The following HPSE2 variants were observed in gnomAD, a reference collection of about 807,000 sequenced individuals.
HPSE2 encodes heparanase 2 (inactive), also known as inactive heparanase-2.
Under a neutral mutation model 60.5 loss-of-function variants are expected in HPSE2, and 38 were observed. The ratio of observed to expected loss-of-function variants is 0.63; its 90% confidence interval spans 0.48 to 0.82. The LOEUF is 0.82. Among genes scored for constraint, HPSE2 ranks in the 40% least tolerant of loss-of-function variants. The pLI, the probability that HPSE2 is intolerant of heterozygous loss-of-function variation, is 0.00. For synonymous variants in HPSE2, 295 were observed against 293.2 expected, an observed-to-expected ratio of 1.01 and a Z score of -0.06; for missense variants, 713 against 740.4, an observed-to-expected ratio of 0.96 and a Z score of 0.43.
chr10:99,197,227 G>C (rs1848430540), intron 2 of HPSE2, among the ~76,000 whole-genome samples: 1 of 152,156 alleles, frequency 6.6e-6, no homozygotes, highest in Non-Finnish European at 1.5e-5. Flanking sequence ...GCTGGGAAGG[G>C]TCATGGGGGG....
At chr10:99,215,455 C>T (rs1849087951) in intron 2 of HPSE2, among the ~76,000 whole-genome samples, 1 of 152,130 alleles carries the variant, frequency 6.6e-6, no homozygotes, top group Non-Finnish European at 1.5e-5. Flanking sequence ...CCACCAGGGC[C>T]TGTCGGCGGG....
At position 99,041,519 on chromosome 10, in the gene HPSE2, G is replaced by A. The variant is rs1174373580; in HGVS notation, c.610+102719C>T. On this transcript the variant is annotated intron_variant, in intron 3 of 11. Transcript: ENST00000370552. Reference sequence around the variant, plus strand: ...AAACTAACACAGAGAGCTGCCTGGAGTCTGAACAGAACTACCCACTCAAAC... The same window carrying A: ...AAACTAACACAGAGAGCTGCCTGGAATCTGAACAGAACTACCCACTCAAAC... Among the ~76,000 whole-genome samples, 4 of 152,260 alleles carry A rather than the reference G, an allele frequency of 2.6e-5. No homozygotes were observed. The East Asian group carries it at 7.7e-4, about 29-fold the overall frequency.
rs1403861502 is a variant in HPSE2 at position 99,210,031 on chromosome 10, C to T, written c.448+22317G>A. On this transcript the variant is annotated intron_variant, in intron 2 of 11. Coordinates refer to ENST00000370552, the MANE Select transcript of HPSE2 (RefSeq NM_021828.5). ...AAAGATAAAATCAACAAATCTTTAGCTAGATTAAGAAAAAAGAGAAAAAAC... is the reference window on the plus strand; with the variant it reads ...AAAGATAAAATCAACAAATCTTTAGTTAGATTAAGAAAAAAGAGAAAAAAC... Among the ~76,000 whole-genome samples the T allele has an allele frequency of 3.3e-5, 5 of 151,810 alleles. No individual in the cohort carries two copies. The South Asian group carries it at 1.0e-3, about 32-fold the overall frequency.
intron 2 of HPSE2, among the ~76,000 whole-genome samples, chr10:99,194,313 C>A (rs1848320704): frequency 6.6e-6 from 1 of 151,158 alleles, no homozygotes; most frequent in Admixed American, 6.6e-5. Context: ...ATACCTACAT[C>A]AAAAAAAGTA....
At chr10:98,473,499 AAAAAAG>A in intron 11 of HPSE2, among the ~76,000 whole-genome samples, 2 of 134,236 alleles carry the variant, frequency 1.5e-5, no homozygotes, top group Non-Finnish European at 3.1e-5. Flanking sequence ...AAAAAAAAAA[AAAAAAG>A]AAGGCAGAAA....
chr10:98,647,327 G>A (rs1946797097), intron 6 of HPSE2, among the ~76,000 whole-genome samples: 3 of 152,292 alleles, frequency 2.0e-5, no homozygotes, highest in African/African-American at 4.8e-5. Flanking sequence ...AGGGGCAGCT[G>A]GTTTTGTTTA....
chr10:98,931,084 G>A lies in HPSE2; in HGVS notation c.611-187028C>T, dbSNP rs189192945. Among the ~76,000 whole-genome samples, 463 of 144,062 alleles carry A rather than the reference G, an allele frequency of 3.2e-3. 44 individuals carry two copies. The highest frequency in any genetic ancestry group is 5.4e-3 in the Non-Finnish European group (361 of 67,150). 94.5% of individuals were successfully genotyped at this position (144,062 alleles called of 152,430 possible). On this transcript the variant is annotated intron_variant, in intron 3 of 11. Transcript: ENST00000370552. ...ATGGTATTGCCTAGATTTTCTTCTA[G>A]GGTTTTTATGGTTTTCGGTTTTACA...
intron 3 of HPSE2, among the ~76,000 whole-genome samples, chr10:98,960,732 TTTA>T (rs772459468): frequency 0.11 from 5,532 of 50,596 alleles, 114 homozygotes; most frequent in African/African-American, 0.25. Flanking sequence ...TTTTATTTTT[TTTA>T]TTTTATTTTT....
intron 2 of HPSE2, among the ~76,000 whole-genome samples, chr10:99,178,652 C>T (rs1331263051): frequency 6.6e-6 from 1 of 152,078 alleles, no homozygotes; most frequent in African/African-American, 2.4e-5. Context: ...AAAAAAAGTC[C>T]AGGACCAGAC....
intron 9 of HPSE2, among the ~76,000 whole-genome samples, chr10:98,566,605 T>A (rs901587895): frequency 6.6e-6 from 1 of 152,208 alleles, no homozygotes; most frequent in African/African-American, 2.4e-5. Flanking sequence ...TTCTGCCCAT[T>A]TTCTCCAAGA....
At chr10:98,823,512 G>A (rs942277886) in intron 3 of HPSE2, among the ~76,000 whole-genome samples, 2 of 152,136 alleles carry the variant, frequency 1.3e-5, no homozygotes, top group African/African-American at 4.8e-5. Flanking sequence ...TGTAGTCCCA[G>A]CCACTCAGGA....
intron 9 of HPSE2, among the ~76,000 whole-genome samples, chr10:98,532,758 A>G (rs1307337687): frequency 6.6e-6 from 1 of 152,170 alleles, no homozygotes; most frequent in African/African-American, 2.4e-5. Context: ...AGCTTTTTTT[A>G]GCCTCTATCA....
At chr10:98,939,685 T>C (rs1954928647) in intron 3 of HPSE2, among the ~76,000 whole-genome samples, 1 of 142,256 alleles carries the variant, frequency 7.0e-6, no homozygotes, top group Non-Finnish European at 1.5e-5. Flanking sequence ...AGACAGAAAG[T>C]TAACAAGGAT....
chr10:98,748,880 GA>G lies in HPSE2; in HGVS notation c.611-4825del, dbSNP rs368814127. On this transcript the variant is annotated intron_variant, in intron 3 of 11. Coordinates refer to ENST00000370552, the MANE Select transcript of HPSE2 (RefSeq NM_021828.5). Reference sequence around the variant, plus strand: ...ACAAACTGAGGAGGAAAAGGACTGAGAAAAAAAAAACCATTAGATTAATCAA... The same window carrying G: ...ACAAACTGAGGAGGAAAAGGACTGAGAAAAAAAAACCATTAGATTAATCAA... Among the ~76,000 whole-genome samples the G allele has an allele frequency of 3.4e-4, 49 of 146,048 alleles. No homozygotes were observed. The East Asian group carries it at 4.6e-3, about 14-fold the overall frequency.
chr10:98,631,049 G>A (rs76307461), intron 7 of HPSE2, among the ~76,000 whole-genome samples: 2,362 of 152,178 alleles, frequency 0.016, 29 homozygotes, highest in Middle Eastern at 0.034. Flanking sequence ...CATTTCTTCT[G>A]TCTAATGTAC....
chr10:98,544,953 A>C (rs2133835597), intron 9 of HPSE2, among the ~76,000 whole-genome samples: 1 of 152,168 alleles, frequency 6.6e-6, no homozygotes, highest in South Asian at 2.1e-4. Flanking sequence ...TAGATGCAAT[A>C]AAAAATGACA....
chr10:99,181,002 G>A (rs1336384673), intron 2 of HPSE2, among the ~76,000 whole-genome samples: 1 of 151,024 alleles, frequency 6.6e-6, no homozygotes, highest in Non-Finnish European at 1.5e-5. Flanking sequence ...CATTGTGGAA[G>A]ACAGTGTGAC....
intron 9 of HPSE2, among the ~76,000 whole-genome samples, chr10:98,604,386 C>A (rs1945519942): frequency 6.6e-6 from 1 of 151,648 alleles, no homozygotes; most frequent in Non-Finnish European, 1.5e-5. Context: ...GTAGACTGGA[C>A]ATGGCTGAGG....
intron 3 of HPSE2, among the ~76,000 whole-genome samples, chr10:98,751,494 C>A (rs1275542805): frequency 4.6e-5 from 7 of 152,132 alleles, no homozygotes; most frequent in Non-Finnish European, 7.4e-5. Flanking sequence ...TCTTTTGCAA[C>A]CTTCACATGA....
Sources: allele counts gnomAD v4.1 joint callset (sites outside exome capture counted in the v4.1 genomes callset), GRCh38; gene constraint gnomAD v4.1.1; transcripts MANE v1.5; gene names NCBI Gene and HGNC (gene_info 2026-07-23, HGNC 2026-07-21).